GALNT14: variants seen among roughly 807,000 people sequenced by gnomAD.
GALNT14 encodes the protein UDP-GalNAc:polypeptide N-acetylgalactosaminyltransferase 14.
In GALNT14, 60 loss-of-function variants were observed where a neutral mutation model predicts 77.5. The ratio of observed to expected loss-of-function variants is 0.77; its 90% CI spans 0.63 to 0.96. The LOEUF is 0.96. GALNT14 is among the 40% of genes least tolerant of loss of function. The probability of loss-of-function intolerance (pLI) is 0.00; values close to 1 mark genes in which losing one functional copy is unlikely to be tolerated. For synonymous variants in GALNT14, 280 were observed against 281.7 expected (o/e 0.99, Z 0.06); for missense variants, 710 against 731.0 (o/e 0.97, Z 0.33).
chr2:30,888,351 T>TG, the GALNT14 span, among the ~76,000 whole-genome samples: 1 of 152,224 alleles, frequency 6.6e-6, no homozygotes, highest in East Asian at 1.9e-4. Context: ...GCCTACTACA[T>TG]GGGTGACTAC....
chr2:31,039,524 A>G (rs1477685607), intron 1 of GALNT14, among the ~76,000 whole-genome samples: 1 of 152,076 alleles, frequency 6.6e-6, no homozygotes, highest in African/African-American at 2.4e-5. Flanking sequence ...ATTTCCCACA[A>G]TCTCATATTT....
chr2:31,058,324 G>C (rs1033062229), intron 1 of GALNT14, among the ~76,000 whole-genome samples: 3 of 152,118 alleles, frequency 2.0e-5, no homozygotes, highest in Non-Finnish European at 2.9e-5. Flanking sequence ...GGGCGAATTA[G>C]GTGGGACAGT....
At chr2:31,135,466 G>A (rs547952563) in intron 1 of GALNT14, among the ~76,000 whole-genome samples, 1 of 151,720 alleles carries the variant, frequency 6.6e-6, no homozygotes, top group Admixed American at 6.6e-5. Flanking sequence ...TACACACTAA[G>A]ATACAGAGCG....
intron 1 of GALNT14, among the ~76,000 whole-genome samples, chr2:31,085,089 C>T (rs949419392): frequency 4.6e-5 from 7 of 152,040 alleles, no homozygotes; most frequent in South Asian, 2.1e-4. Context: ...TGTAGTACTC[C>T]GTGCAGGGGA....
intron 1 of GALNT14, among the ~76,000 whole-genome samples, chr2:31,018,061 G>A (rs1321476423): frequency 1.3e-5 from 2 of 152,180 alleles, no homozygotes; most frequent in African/African-American, 4.8e-5. Flanking sequence ...CCCAGCCTCA[G>A]GAGAAACAAT....
At chr2:30,962,989 C>G (rs539909439) in intron 3 of GALNT14, among the ~76,000 whole-genome samples, 3 of 152,280 alleles carry the variant, frequency 2.0e-5, no homozygotes, top group African/African-American at 7.2e-5. Context: ...CCCTAACATT[C>G]ATTTCTGCCC....
chr2:31,130,143 T>G (rs1038735129), intron 1 of GALNT14, among the ~76,000 whole-genome samples: 3 of 152,234 alleles, frequency 2.0e-5, no homozygotes, highest in Admixed American at 2.0e-4. Context: ...GTGCCTCATC[T>G]TGTCTCCAGG....
intron 6 of GALNT14, among the ~76,000 whole-genome samples, chr2:30,948,038 A>ACAGGAT (rs1409352745): frequency 2.4e-4 from 36 of 152,312 alleles, no homozygotes; most frequent in African/African-American, 8.7e-4. Context: ...GGATATGTCA[A>ACAGGAT]CAGGATACAT....
chr2:31,048,084 C>G (rs554681489), intron 1 of GALNT14, among the ~76,000 whole-genome samples: 1 of 152,182 alleles, frequency 6.6e-6, no homozygotes, highest in African/African-American at 2.4e-5. Context: ...TCCAAATGCC[C>G]AACAGCCAGC....
chr2:31,020,945 T>C (rs1671676512), intron 1 of GALNT14, among the ~76,000 whole-genome samples: 1 of 152,166 alleles, frequency 6.6e-6, no homozygotes, highest in African/African-American at 2.4e-5. Flanking sequence ...CCACATCCCA[T>C]GTGGCCAGCC....
intron 9 of GALNT14, among the ~76,000 whole-genome samples, chr2:30,932,534 A>C (rs1572988881): frequency 6.6e-6 from 1 of 152,220 alleles, no homozygotes; most frequent in South Asian, 2.1e-4. Context: ...GTTGCCTTCT[A>C]ACTTGCGGAA....
Position 30,932,175 on chromosome 2 carries a change from C to T in GALNT14, c.951G>A (p.Trp317Ter). 1 of 1,533,230 alleles carries T rather than the reference C, an allele frequency of 6.5e-7. No individual in the cohort carries two copies. The highest frequency in any genetic ancestry group is 8.8e-7 in the Non-Finnish European group (1 of 1,139,688). The allele number at this position is 1,533,230 out of a possible 1,614,324, so 95.0% of individuals were successfully genotyped here. A position where few individuals can be genotyped will look rare whatever the true frequency, so the allele number is the denominator to read the frequency against. Residue 317 changes from tryptophan (W) to a stop codon, truncating the protein, a stop_gained, in exon 10 of 15, where the codon TGG becomes TGA. Transcript: ENST00000349752. LOFTEE classifies it high-confidence loss of function. ...CGATCTCTAGGCTGCCCCCGCACAT[C>T]CACACTCGGAAGGAGATTTCTGCAA... ...GENFEISFRV[W>*]MCGGSLEIVP...
At chr2:30,893,787 T>A in the GALNT14 span, among the ~76,000 whole-genome samples, 2 of 149,616 alleles carry the variant, frequency 1.3e-5, no homozygotes, top group Non-Finnish European at 1.5e-5. Context: ...AAAAAAAAAA[T>A]AGAAACTTGA....
chr2:31,043,175 G>C (rs1673205526), intron 1 of GALNT14, among the ~76,000 whole-genome samples: 2 of 152,092 alleles, frequency 1.3e-5, no homozygotes, highest in South Asian at 4.2e-4. Context: ...CCAGATATCT[G>C]CAAGACTAAG....
At chr2:31,109,457 G>C (rs1252755668) in intron 1 of GALNT14, among the ~76,000 whole-genome samples, 2 of 152,188 alleles carry the variant, frequency 1.3e-5, no homozygotes, top group African/African-American at 4.8e-5. Context: ...CTAAAGACAA[G>C]GAATGTCTGG....
intron 1 of GALNT14, among the ~76,000 whole-genome samples, chr2:30,995,452 G>A (rs1669969906): frequency 6.6e-6 from 1 of 152,148 alleles, no homozygotes; most frequent in Non-Finnish European, 1.5e-5. Context: ...CTAGGTTTGT[G>A]TAAGTATATC....
At chr2:31,119,182 G>C (rs369263522) in intron 1 of GALNT14, among the ~76,000 whole-genome samples, 259 of 152,192 alleles carry the variant, frequency 1.7e-3, no homozygotes, top group African/African-American at 5.6e-3. Flanking sequence ...AATCAAGACA[G>C]GGCATTCATG....
chr2:31,076,269 T>C lies in GALNT14; in HGVS notation c.129+61689A>G, dbSNP rs145762558. On this transcript the variant is annotated intron_variant, in intron 1 of 14. Transcript: ENST00000349752. ...TAACAAGTCTTCAAGGTCTATTCTATGACTCATATTCTCTGTACGAAGAAA... is the reference window on the plus strand; with the variant it reads ...TAACAAGTCTTCAAGGTCTATTCTACGACTCATATTCTCTGTACGAAGAAA... 1.9e-3 allele frequency among the ~76,000 whole-genome samples: 291 copies of C among 152,324 alleles called. 2 individuals are homozygous for C. Among genetic ancestry groups the C allele is most frequent in the African/African-American group, 6.7e-3 (277 of 41,554 alleles).
At chr2:30,971,670 C>G (rs181881044) in intron 2 of GALNT14, among the ~76,000 whole-genome samples, 2 of 152,108 alleles carry the variant, frequency 1.3e-5, no homozygotes, top group African/African-American at 4.8e-5. Context: ...CAGGAAAGTG[C>G]TCTGAGATGC....
Sources: allele counts gnomAD v4.1 joint callset (sites outside exome capture counted in the v4.1 genomes callset), GRCh38; gene constraint gnomAD v4.1.1; transcripts MANE v1.5; gene names NCBI Gene and HGNC (gene_info 2026-07-23, HGNC 2026-07-21).